ASCC3: variants seen among roughly 807,000 people sequenced by gnomAD.
ASCC3 encodes the protein ASC-1 complex subunit P200.
Under a neutral mutation model 256.3 loss-of-function variants are expected in ASCC3, and 158 were observed. That is an observed-to-expected ratio of 0.62 (90% CI 0.54 to 0.70). The LOEUF is 0.70. Among genes scored for constraint, ASCC3 ranks in the 30% least tolerant of loss-of-function variants. ASCC3 has a pLI of 0.00. For synonymous variants in ASCC3, 948 were observed against 883.4 expected (o/e 1.07, Z -1.30); for missense variants, 2,259 against 2,626.0 (o/e 0.86, Z 3.05).
intron 2 of ASCC3, among the ~76,000 whole-genome samples, chr6:100,866,262 G>A (rs946264444): frequency 2.5e-4 from 38 of 152,176 alleles, no homozygotes; most frequent in Non-Finnish European, 4.4e-4. Flanking sequence ...GAGCCACAGC[G>A]CCTGGCCCTA....
At chr6:100,630,112 A>C (rs900054062) in intron 26 of ASCC3, among the ~76,000 whole-genome samples, 7 of 151,126 alleles carry the variant, frequency 4.6e-5, no homozygotes, top group Non-Finnish European at 7.4e-5. Context: ...CTGGTCTCCA[A>C]CTCCTTTTCT....
At chr6:100,665,093 A>T (rs1776400196) in intron 14 of ASCC3, among the ~76,000 whole-genome samples, 1 of 152,146 alleles carries the variant, frequency 6.6e-6, no homozygotes, top group African/African-American at 2.4e-5. Flanking sequence ...TCTGTGATAG[A>T]GATGTTTCTT....
chr6:100,794,331 T>C (rs181243160), intron 8 of ASCC3, among the ~76,000 whole-genome samples: 109 of 152,232 alleles, frequency 7.2e-4, no homozygotes, highest in African/African-American at 2.4e-3. Context: ...TCTCCACATA[T>C]GGCCTACATG....
chr6:100,752,854 T>C (rs903980055), intron 10 of ASCC3, among the ~76,000 whole-genome samples: 6 of 152,100 alleles, frequency 3.9e-5, no homozygotes, highest in Non-Finnish European at 8.8e-5. Context: ...GTCTCTCAAA[T>C]GTAGAAAAAT....
At chr6:100,844,107 G>A (rs796677217) in intron 4 of ASCC3, among the ~76,000 whole-genome samples, 19 of 149,670 alleles carry the variant, frequency 1.3e-4, no homozygotes, top group African/African-American at 4.4e-4. Flanking sequence ...TATAAGAAAA[G>A]AAATTCCTTC....
In ASCC3 at chr6:100,605,701, C is replaced by T. The variant is rs768039074; in HGVS notation, c.5045-1G>A. On this transcript the variant is annotated splice_acceptor_variant, in intron 32 of 41. Transcript: ENST00000369162. LOFTEE classifies it high-confidence loss of function. ...GCACGCCCCATCATCTGGAGGACAT[C>T]TTTAAAAGAGAGAACAAAGAGATAT... is the stretch of plus-strand genomic sequence containing the variant. The T allele has an allele frequency of 3.7e-6, 6 of 1,613,218 alleles. No individual in the cohort carries two copies. In the Admixed American group the frequency reaches 8.3e-5, roughly 22 times the overall value.
chr6:100,529,885 A>C (rs981361032), intron 37 of ASCC3, among the ~76,000 whole-genome samples: 1 of 152,306 alleles, frequency 6.6e-6, no homozygotes, highest in East Asian at 1.9e-4. Context: ...ATTAAATGCA[A>C]AGCAAGTACA....
At chr6:100,566,623 A>T (rs891534061) in intron 36 of ASCC3, among the ~76,000 whole-genome samples, 4 of 152,088 alleles carry the variant, frequency 2.6e-5, no homozygotes, top group Admixed American at 2.0e-4. Context: ...AATTGTCTCT[A>T]CTTGTACCTA....
chr6:100,751,625 G>A (rs923889337), intron 10 of ASCC3, among the ~76,000 whole-genome samples: 6 of 151,906 alleles, frequency 3.9e-5, no homozygotes, highest in Admixed American at 3.3e-4. Flanking sequence ...AAAAAGTTTT[G>A]CTGTAAAAAC....
At chr6:100,850,098 CAAAAAAAAAA>C (rs61582863) in intron 3 of ASCC3, among the ~76,000 whole-genome samples, 1 of 80,612 alleles carries the variant, frequency 1.2e-5, no homozygotes, top group South Asian at 4.4e-4. Flanking sequence ...GAGACTCTAT[CAAAAAAAAAA>C]AAAAAAAAAA....
At chr6:100,594,827 G>A (rs1460536917) in intron 34 of ASCC3, among the ~76,000 whole-genome samples, 1 of 151,960 alleles carries the variant, frequency 6.6e-6, no homozygotes, top group Non-Finnish European at 1.5e-5. Flanking sequence ...AAAATATGGT[G>A]TATATATACA....
At chr6:100,826,901 G>T (rs1771341756) in intron 4 of ASCC3, among the ~76,000 whole-genome samples, 1 of 152,024 alleles carries the variant, frequency 6.6e-6, no homozygotes, top group Non-Finnish European at 1.5e-5. Context: ...AGCCACATGA[G>T]GCTACTTACA....
At chr6:100,702,342 A>G (rs1350964163) in intron 13 of ASCC3, among the ~76,000 whole-genome samples, 3 of 152,194 alleles carry the variant, frequency 2.0e-5, no homozygotes, top group African/African-American at 7.2e-5. Flanking sequence ...TTTCTGGCTT[A>G]TGGAACTAAA....
At chr6:100,792,584 T>A (rs1244355228) in intron 8 of ASCC3, among the ~76,000 whole-genome samples, 2 of 151,968 alleles carry the variant, frequency 1.3e-5, no homozygotes, top group Non-Finnish European at 2.9e-5. Context: ...TGCTATAAAT[T>A]ATTTTTGAAA....
At chr6:100,783,157 C>G (rs1215953305) in intron 8 of ASCC3, among the ~76,000 whole-genome samples, 1 of 152,086 alleles carries the variant, frequency 6.6e-6, no homozygotes, top group East Asian at 1.9e-4. Flanking sequence ...GAATTCTACC[C>G]TTTAGAAACA....
intron 13 of ASCC3, among the ~76,000 whole-genome samples, chr6:100,702,153 C>T (rs1487115434): frequency 6.6e-6 from 1 of 151,972 alleles, no homozygotes; most frequent in Non-Finnish European, 1.5e-5. Flanking sequence ...TAAGAAGTGG[C>T]TAGAGTAGTC....
chr6:100,773,792 A>C (rs1782048536), intron 8 of ASCC3, among the ~76,000 whole-genome samples: 2 of 152,178 alleles, frequency 1.3e-5, no homozygotes, highest in Non-Finnish European at 2.9e-5. Flanking sequence ...TACTTGGAAA[A>C]AGAACTATAA....
rs1449848026 is a variant in ASCC3, at chr6:100,655,748, C to T, written c.2774G>A (p.Arg925Gln). 11 of 1,611,396 alleles carry T rather than the reference C, an allele frequency of 6.8e-6. 1 individual carries two copies. Among genetic ancestry groups the T allele is most frequent in the African/African-American group, 6.7e-5 (5 of 74,760 alleles). Reference protein sequence around the residue: ...KWISYTYLYVRMRANPLAYGI... With the variant: ...KWISYTYLYVQMRANPLAYGI... ...ATATGCTAATGGATTTGCTCTCATC[C>T]GTACATAAAGATAAGTGTAACTTAT... The change falls in exon 17 of 42, where the codon CGG (arginine) becomes CAG (glutamine). Residue 925 changes from arginine to glutamine, a missense_variant. This residue lies in a region of ASCC3 where 1,839 missense variants were observed against 2,206.7 expected (regional missense o/e 0.83). Coordinates refer to ENST00000369162, the MANE Select transcript of ASCC3 (RefSeq NM_006828.4).
intron 25 of ASCC3, among the ~76,000 whole-genome samples, chr6:100,634,450 C>T (rs150305462): frequency 1.3e-5 from 2 of 152,212 alleles, no homozygotes; most frequent in Middle Eastern, 3.4e-3. Flanking sequence ...AGGCATCCAT[C>T]GGGGTTTTGG....
Sources: gnomAD v4.1 joint callset for allele counts (sites outside exome capture counted in the v4.1 genomes callset) on GRCh38, gnomAD v4.1.1 for gene constraint, gnomAD v4.1.1 regional missense constraint, MANE v1.5 for transcripts, NCBI Gene and HGNC (gene_info 2026-07-23, HGNC 2026-07-21) for gene names.